Variants in AUTS2 observed in about 807,000 individuals in gnomAD.
AUTS2 encodes autism susceptibility gene 2 protein.
In AUTS2, 17 loss-of-function variants were observed where a neutral mutation model predicts 112.4. The ratio of observed to expected loss-of-function variants is 0.15; its 90% CI spans 0.10 to 0.23. The LOEUF (loss-of-function observed/expected upper bound fraction) is 0.23. AUTS2 is among the 10% of genes least tolerant of loss of function. The probability of loss-of-function intolerance (pLI) is 1.00; values close to 1 mark genes in which losing one functional copy is unlikely to be tolerated. For missense variants in AUTS2, 1,510 were observed against 1,701.6 expected (o/e 0.89, Z 1.98); for synonymous variants, 751 against 702.7 (o/e 1.07, Z -1.09).
rs564145589 is a variant in AUTS2 at position 70,032,514 on chromosome 7, A to G, written c.523-85618A>G. Among the ~76,000 whole-genome samples, 202 of 152,218 alleles carry G rather than the reference A, an allele frequency of 1.3e-3. 2 individuals are homozygous for G. The highest frequency in any genetic ancestry group is 1.1e-3 in the Non-Finnish European group (73 of 67,998). On this transcript the variant is annotated intron_variant, in intron 2 of 18. Coordinates refer to ENST00000342771, the MANE Select transcript of AUTS2 (RefSeq NM_015570.4). ...GAACCTGAATTTGAATTTTATACCCAAACCTATGATCATCCTTAAAAAAAA... is the reference window on the plus strand; with the variant it reads ...GAACCTGAATTTGAATTTTATACCCGAACCTATGATCATCCTTAAAAAAAA...
At chr7:70,399,150 C>T (rs1794218529) in intron 4 of AUTS2, among the ~76,000 whole-genome samples, 1 of 151,700 alleles carries the variant, frequency 6.6e-6, no homozygotes, top group African/African-American at 2.4e-5. Flanking sequence ...CTATGCCTGG[C>T]TGATTTTTTT....
chr7:70,431,444 G>T (rs1285293544), intron 4 of AUTS2, among the ~76,000 whole-genome samples: 1 of 152,144 alleles, frequency 6.6e-6, no homozygotes, highest in African/African-American at 2.4e-5. Flanking sequence ...TGCCCAGGGT[G>T]GAGTGATCTC....
At chr7:70,601,612 GGT>G (rs146733300) in intron 5 of AUTS2, among the ~76,000 whole-genome samples, 97 of 152,280 alleles carry the variant, frequency 6.4e-4, no homozygotes, top group Admixed American at 2.2e-3. Context: ...AGGATAGAGT[GGT>G]GTGTGTCAGG....
At chr7:70,698,094 A>G (rs1230958621) in intron 5 of AUTS2, among the ~76,000 whole-genome samples, 2 of 152,220 alleles carry the variant, frequency 1.3e-5, no homozygotes, top group South Asian at 4.1e-4. Flanking sequence ...GAATCTTAAA[A>G]AAAAATTAAT....
At chr7:70,564,201 T>C (rs1018829136) in intron 5 of AUTS2, among the ~76,000 whole-genome samples, 1 of 152,248 alleles carries the variant, frequency 6.6e-6, no homozygotes, top group Non-Finnish European at 1.5e-5. Context: ...TGCTGTGATT[T>C]TTCAAAGACA....
intron 2 of AUTS2, among the ~76,000 whole-genome samples, chr7:69,910,905 C>T (rs1040651727): frequency 7.9e-5 from 12 of 152,188 alleles, no homozygotes; most frequent in Admixed American, 2.6e-4. Context: ...GGATTACAGG[C>T]GTGAGCCACT....
rs1186891390 is a variant in AUTS2 at position 70,079,638 on chromosome 7, A to G, written c.523-38494A>G. 3.3e-5 allele frequency among the ~76,000 whole-genome samples: 5 copies of G among 152,154 alleles called. No individual in the cohort carries two copies. The East Asian group carries it at 7.7e-4, about 23-fold the overall frequency. On this transcript the variant is annotated intron_variant, in intron 2 of 18. Coordinates refer to ENST00000342771, the MANE Select transcript of AUTS2 (RefSeq NM_015570.4). Reference sequence around the variant, plus strand: ...TATCCATGACCTTGAGGTTATTTACATCTAGTATATGGTAGAAATACTACA... The same window carrying G: ...TATCCATGACCTTGAGGTTATTTACGTCTAGTATATGGTAGAAATACTACA...
rs183199219 is a variant in AUTS2 at position 70,079,363 on chromosome 7, A to G, written c.523-38769A>G. ...TATTAAAAAAAATAATTAGATGGGT[A>G]TGGTGGCAGGCTCCTGTAATCCCAA... On this transcript the variant is annotated intron_variant, in intron 2 of 18. Transcript: ENST00000342771. Among the ~76,000 whole-genome samples the G allele has an allele frequency of 4.5e-3, 682 of 152,222 alleles. 3 individuals carry two copies. Among genetic ancestry groups the G allele is most frequent in the Non-Finnish European group, 8.0e-3 (545 of 68,028 alleles).
At chr7:70,227,281 C>G (rs1246587429) in intron 4 of AUTS2, among the ~76,000 whole-genome samples, 2 of 150,870 alleles carry the variant, frequency 1.3e-5, no homozygotes, top group Non-Finnish European at 2.9e-5. Context: ...TAGTTTTGGG[C>G]CTACTTTTTT....
chr7:70,195,359 G>C (rs553610824), intron 4 of AUTS2, among the ~76,000 whole-genome samples: 1 of 152,152 alleles, frequency 6.6e-6, no homozygotes, highest in Admixed American at 6.6e-5. Flanking sequence ...TATGAATACT[G>C]AATCTGGACA....
rs1562930802 is a variant in AUTS2 at position 69,856,485 on chromosome 7, T to TA, written c.310-42801_310-42800insA. 4.6e-5 allele frequency among the ~76,000 whole-genome samples: 7 copies of TA among 152,182 alleles called. 1 individual carries two copies. The South Asian group carries it at 1.5e-3, about 32-fold the overall frequency. ...TGCGGTCCCTCTCTGTATTTCAACT[T>TA]TACATCAGCCACTTTTTTTAGTATT... is the stretch of plus-strand genomic sequence containing the variant. On this transcript the variant is annotated intron_variant, in intron 1 of 18. Transcript: ENST00000342771.
intron 5 of AUTS2, among the ~76,000 whole-genome samples, chr7:70,621,105 A>G (rs1804649452): frequency 6.6e-6 from 1 of 152,160 alleles, no homozygotes. Flanking sequence ...AACAAGGGAA[A>G]AGCTCCAGTC....
At chr7:70,658,452 AATCCAGCCCCTCACGGGGCTG>A (rs1482084676) in intron 5 of AUTS2, among the ~76,000 whole-genome samples, 3 of 152,332 alleles carry the variant, frequency 2.0e-5, no homozygotes, top group South Asian at 4.1e-4. Context: ...CTCTCGGCTG[AATCCAGCCCCTCACGGGGCTG>A]ATCCGCTTTG....
At chr7:69,781,999 C>G (rs1453989004) in intron 1 of AUTS2, among the ~76,000 whole-genome samples, 2 of 152,176 alleles carry the variant, frequency 1.3e-5, no homozygotes, top group Non-Finnish European at 2.9e-5. Flanking sequence ...CCCGAGGGAA[C>G]TTGAAAGTAC....
At chr7:70,751,607 G>A (rs1293436125) in intron 6 of AUTS2, among the ~76,000 whole-genome samples, 1 of 152,118 alleles carries the variant, frequency 6.6e-6, no homozygotes, top group African/African-American at 2.4e-5. Flanking sequence ...CAGAGTAGGC[G>A]TGCTGTGTGG....
At chr7:70,187,612 A>C (rs1384209030) in intron 4 of AUTS2, among the ~76,000 whole-genome samples, 2 of 152,002 alleles carry the variant, frequency 1.3e-5, no homozygotes, top group Non-Finnish European at 2.9e-5. Flanking sequence ...TGTCATGGCT[A>C]CTCCTACTTT....
chr7:69,806,090 C>T (rs545584468), intron 1 of AUTS2, among the ~76,000 whole-genome samples: 60 of 150,062 alleles, frequency 4.0e-4, no homozygotes, highest in African/African-American at 1.4e-3. Context: ...GATAGAGACA[C>T]ACACGGTCTT....
chr7:69,870,182 G>A lies in AUTS2; in HGVS notation c.310-29104G>A, dbSNP rs1287419866. Among the ~76,000 whole-genome samples the A allele has an allele frequency of 4.0e-5, 6 of 151,762 alleles. No individual in the cohort carries two copies. In the South Asian group the frequency reaches 1.0e-3, roughly 26 times the overall value. On this transcript the variant is annotated intron_variant, in intron 1 of 18. Transcript: ENST00000342771. ...TATTGTAAATCACTGTTGATATTTG[G>A]TCCCTGCCTTTGTTCTTTTGTTTTA...
At chr7:69,622,405 A>C (rs1451298622) in intron 1 of AUTS2, among the ~76,000 whole-genome samples, 2 of 152,224 alleles carry the variant, frequency 1.3e-5, no homozygotes, top group Non-Finnish European at 2.9e-5. Flanking sequence ...TTACCCTTTC[A>C]AAGAGCCCTA....
Sources: gnomAD v4.1 joint callset for allele counts (sites outside exome capture counted in the v4.1 genomes callset) on GRCh38, gnomAD v4.1.1 for gene constraint, MANE v1.5 for transcripts, NCBI Gene and HGNC (gene_info 2026-07-23, HGNC 2026-07-21) for gene names.